Variants in TEX11 observed in about 807,000 individuals in gnomAD.
The protein encoded by TEX11 is testis expressed 11.
TEX11 carries 7 observed loss-of-function variants against 84.4 expected under a neutral mutation model. The ratio of observed to expected loss-of-function variants is 0.08; its 90% CI spans 0.05 to 0.16. The LOEUF is 0.16. TEX11 is among the 10% of genes least tolerant of loss of function. TEX11 has a pLI of 1.00. For synonymous variants in TEX11, 264 were observed against 222.8 expected, an observed-to-expected ratio of 1.18 and a Z score of -1.64; for missense variants, 551 against 660.5, an observed-to-expected ratio of 0.83 and a Z score of 1.82.
chrX:70,850,594 AT>A (rs1460620650), intron 7 of TEX11, among the ~76,000 whole-genome samples: 6 of 99,808 alleles, frequency 6.0e-5, no homozygotes, highest in African/African-American at 2.2e-4. Flanking sequence ...AAAAAAAAAA[AT>A]GTTTATTTAA....
chrX:70,891,462 C>T (rs759012152), intron 2 of TEX11, among the ~76,000 whole-genome samples: 10 of 111,064 alleles, frequency 9.0e-5, no homozygotes, highest in South Asian at 3.8e-4. Flanking sequence ...TCAAACCCAT[C>T]GCAAGGAAGC....
chrX:70,869,436 C>T lies in TEX11; in HGVS notation c.244+3787G>A, dbSNP rs142745706. Among the ~76,000 whole-genome samples, 4 of 111,672 alleles carry T rather than the reference C, an allele frequency of 3.6e-5. No homozygotes were observed. The East Asian group carries it at 8.4e-4, about 23-fold the overall frequency. On this transcript the variant is annotated intron_variant, in intron 4 of 29. Coordinates refer to ENST00000374333, the MANE Select transcript of TEX11 (RefSeq NM_031276.3). The stretch of plus-strand genomic sequence containing the variant: ...CTCTACTGTCTTGCTACCCACTCAT[C>T]TCCTTAAATGTCCACAATCTGTTTT...
intron 17 of TEX11, among the ~76,000 whole-genome samples, chrX:70,641,023 AT>A (rs1244729658): frequency 7.2e-5 from 8 of 110,746 alleles, no homozygotes; most frequent in African/African-American, 2.6e-4. Context: ...CAGGAGACCC[AT>A]CTCACTTGCA....
chrX:70,895,665 A>G (rs1295451316), intron 2 of TEX11, among the ~76,000 whole-genome samples: 12 of 112,095 alleles, frequency 1.1e-4, no homozygotes, highest in Non-Finnish European at 1.9e-5. Flanking sequence ...TACTGGTACC[A>G]AAACAGATAT....
chrX:70,750,921 T>TA (rs1181422597), intron 9 of TEX11, among the ~76,000 whole-genome samples: 666 of 35,217 alleles, frequency 0.019, 28 homozygotes, highest in African/African-American at 0.03. Flanking sequence ...TAAAGTATAA[T>TA]AAAAAAAAAA....
chrX:70,584,394 A>C (rs761572649), intron 25 of TEX11, among the ~76,000 whole-genome samples: 1 of 112,633 alleles, frequency 8.9e-6, no homozygotes, highest in African/African-American at 3.2e-5. Context: ...TAAAGAGATT[A>C]AATAAGTAAT....
At chrX:70,739,051 T>C (rs1043154901) in intron 11 of TEX11, among the ~76,000 whole-genome samples, 38 of 111,544 alleles carry the variant, frequency 3.4e-4, no homozygotes, top group African/African-American at 1.2e-3. Flanking sequence ...CAAACCACCA[T>C]GGCACATGTA....
At chrX:70,711,788 G>A (rs1167096309) in intron 13 of TEX11, among the ~76,000 whole-genome samples, 2 of 111,473 alleles carry the variant, frequency 1.8e-5, no homozygotes, top group Non-Finnish European at 3.8e-5. Flanking sequence ...AAGCTCTTTA[G>A]TTTAATTAGA....
At chrX:70,621,572 AT>A in intron 20 of TEX11, among the ~76,000 whole-genome samples, 1 of 73,744 alleles carries the variant, frequency 1.4e-5, no homozygotes, top group African/African-American at 5.1e-5. Context: ...ATATATATAT[AT>A]ATATAAATAA....
At chrX:70,520,732 G>GC in the TEX11 span, among the ~76,000 whole-genome samples, 3 of 112,361 alleles carry the variant, frequency 2.7e-5, no homozygotes, top group South Asian at 1.1e-3. Flanking sequence ...GCTATGCCCT[G>GC]CCCCCAGAGG....
At chrX:70,570,841 C>T (rs1380436249) in intron 25 of TEX11, among the ~76,000 whole-genome samples, 1 of 111,609 alleles carries the variant, frequency 9.0e-6, no homozygotes, top group East Asian at 2.8e-4. Flanking sequence ...TAAAGTTGTT[C>T]ACAATATCCT....
chrX:70,716,008 C>A (rs755618081), intron 13 of TEX11, among the ~76,000 whole-genome samples: 158 of 112,327 alleles, frequency 1.4e-3, no homozygotes, highest in South Asian at 5.1e-3. Flanking sequence ...TTCCTTCTAA[C>A]AGTCAGGACC....
At chrX:70,870,437 G>A (rs368317132) in intron 4 of TEX11, among the ~76,000 whole-genome samples, 6 of 111,080 alleles carry the variant, frequency 5.4e-5, no homozygotes, top group East Asian at 2.8e-4. Context: ...CTGGGTTCAC[G>A]CCATTCTCCT....
intron 2 of TEX11, among the ~76,000 whole-genome samples, chrX:70,890,122 G>A (rs1426707670): frequency 9.0e-6 from 1 of 111,162 alleles, no homozygotes; most frequent in Non-Finnish European, 1.9e-5. Context: ...AAAAAGAGCA[G>A]GAGTACCGAT....
intron 25 of TEX11, among the ~76,000 whole-genome samples, chrX:70,571,707 G>T (rs1479084264): frequency 8.9e-6 from 1 of 111,781 alleles, no homozygotes; most frequent in African/African-American, 3.3e-5. Context: ...AACATACCTT[G>T]TATGATTTCA....
chrX:70,657,455 T>TA (rs56221505), intron 16 of TEX11, among the ~76,000 whole-genome samples: 10,996 of 96,030 alleles, frequency 0.11, 573 homozygotes, highest in Middle Eastern at 0.2. Context: ...TGTAAAAAAT[T>TA]AAAAAAAAAA....
chrX:70,785,924 A>T (rs1337435983), intron 9 of TEX11, among the ~76,000 whole-genome samples: 1 of 112,038 alleles, frequency 8.9e-6, no homozygotes, highest in African/African-American at 3.2e-5. Flanking sequence ...TTCCTCAAGG[A>T]TCTAGAACTA....
At chrX:70,868,959 G>T (rs1257882578) in intron 4 of TEX11, among the ~76,000 whole-genome samples, 3 of 107,632 alleles carry the variant, frequency 2.8e-5, no homozygotes, top group Non-Finnish European at 5.7e-5. Flanking sequence ...AGGTTGATAG[G>T]TGCAGCAAAT....
chrX:70,627,525 T>C (rs993495309), intron 18 of TEX11, among the ~76,000 whole-genome samples: 1 of 112,120 alleles, frequency 8.9e-6, no homozygotes, highest in Admixed American at 9.4e-5. Flanking sequence ...AGTAGGAATC[T>C]GTGGAAGTTC....
Sources: gnomAD v4.1 joint callset for allele counts (sites outside exome capture counted in the v4.1 genomes callset) on GRCh38, gnomAD v4.1.1 for gene constraint, MANE v1.5 for transcripts, NCBI Gene and HGNC (gene_info 2026-07-23, HGNC 2026-07-21) for gene names.